The following LIN7A variants were observed in gnomAD, a reference collection of about 807,000 sequenced individuals.
LIN7A encodes the protein lin-7 cell polarity scaffold A.
Under a neutral mutation model 29.8 loss-of-function variants are expected in LIN7A, and 25 were observed. The ratio of observed to expected loss-of-function variants is 0.84; its 90% confidence interval spans 0.61 to 1.17. The LOEUF is 1.17. Among genes scored for constraint, LIN7A ranks in the 50% most tolerant of loss-of-function variants. LIN7A has a pLI of 0.00. For missense variants in LIN7A, 239 were observed against 287.0 expected (o/e 0.83, Z 1.21); for synonymous variants, 118 against 107.5 (o/e 1.10, Z -0.60).
chr12:80,799,567 G>GA (rs575944285), intron 5 of LIN7A, among the ~76,000 whole-genome samples: 172 of 151,180 alleles, frequency 1.1e-3, no homozygotes, highest in African/African-American at 3.9e-3. Flanking sequence ...ATGAGTCAAA[G>GA]AAAAAAAATC....
intron 2 of LIN7A, among the ~76,000 whole-genome samples, chr12:80,863,019 G>A (rs1873952475): frequency 2.6e-5 from 4 of 152,148 alleles, no homozygotes; most frequent in Admixed American, 2.6e-4. Context: ...TCAAGTTATG[G>A]TAAATGCACC....
At position 80,867,909 on chromosome 12, in the gene LIN7A, C is replaced by A. The variant is rs369525951; in HGVS notation, c.202-19587G>T. On this transcript the variant is annotated intron_variant, in intron 2 of 5. Transcript: ENST00000552864. ...AGAAATGTAATGTATTAAAAAACTGCTACATTTATTATATCCTGTCAATTT... is the reference window on the plus strand; with the variant it reads ...AGAAATGTAATGTATTAAAAAACTGATACATTTATTATATCCTGTCAATTT... 2.9e-4 allele frequency among the ~76,000 whole-genome samples: 44 copies of A among 152,256 alleles called. 1 individual carries two copies. In the South Asian group the frequency reaches 8.9e-3, roughly 31 times the overall value.
chr12:80,937,546 C>T, intron 1 of LIN7A, 95 bp downstream of exon 1: 1 of 893,356 alleles, frequency 1.1e-6, no homozygotes, highest in Non-Finnish European at 1.6e-6. Flanking sequence ...CTCCTCCTGC[C>T]TGAGCGCGTC....
chr12:80,888,931 A>G (rs1253893079), intron 2 of LIN7A, among the ~76,000 whole-genome samples: 1 of 152,114 alleles, frequency 6.6e-6, no homozygotes, highest in Non-Finnish European at 1.5e-5. Context: ...GCCCCCATTA[A>G]TGATAACTAT....
chr12:80,853,707 C>CT (rs1302648530), intron 2 of LIN7A, among the ~76,000 whole-genome samples: 3 of 149,586 alleles, frequency 2.0e-5, no homozygotes, highest in Non-Finnish European at 1.5e-5. Flanking sequence ...ATTTTTTTTT[C>CT]TTTTTTTGAG....
chr12:80,811,464 C>T lies in LIN7A; in HGVS notation c.*1G>A, dbSNP rs1224205108. On this transcript the variant is annotated splice_donor_variant, in intron 5 of 5. Coordinates refer to ENST00000552864, the MANE Select transcript of LIN7A (RefSeq NM_004664.4). LOFTEE classifies it low-confidence loss of function (3UTR_SPLICE). ...CTTGTATAGAATAAGTCACTTCTCA[C>T]CTATGACATGTGGTTTTGTTGTGTT... The T allele has an allele frequency of 8.3e-7, 1 of 1,208,280 alleles. No individual in the cohort carries two copies. Among genetic ancestry groups the T allele is most frequent in the Admixed American group, 2.1e-5 (1 of 48,242 alleles). The allele number at this position is 1,208,280 out of a possible 1,614,324, so 74.8% of individuals were successfully genotyped here. A position where few individuals can be genotyped will look rare whatever the true frequency, so the allele number is the denominator to read the frequency against.
At chr12:80,895,509 T>G (rs774290745) in intron 1 of LIN7A, among the ~76,000 whole-genome samples, 2 of 152,238 alleles carry the variant, frequency 1.3e-5, no homozygotes, top group Admixed American at 1.3e-4. Context: ...CAAAATGTGT[T>G]GAGCACTCAA....
At chr12:80,801,965 C>T (rs1312305863) in intron 5 of LIN7A, among the ~76,000 whole-genome samples, 2 of 150,052 alleles carry the variant, frequency 1.3e-5, no homozygotes, top group African/African-American at 2.5e-5. Context: ...GGTGCGATCT[C>T]GGCTCACTGC....
chr12:80,796,409 AC>A lies in LIN7A; in HGVS notation c.*1317del, dbSNP rs896049952. 3.3e-5 allele frequency: 5 copies of A among 152,148 alleles called. No homozygotes were observed. The highest frequency in any genetic ancestry group is 1.2e-4 in the African/African-American group (5 of 41,446). The allele number at this position is 152,148 out of a possible 1,614,324, so 9.4% of individuals were successfully genotyped here. On this transcript the variant is annotated 3_prime_UTR_variant, in exon 6 of 6. Coordinates refer to ENST00000552864, the MANE Select transcript of LIN7A (RefSeq NM_004664.4). Reference sequence around the variant, plus strand: ...ACTTAGGTGCCTAGATTTACCATAAACCAAAAATTATGACCTGTAAATGTAG... The same window carrying A: ...ACTTAGGTGCCTAGATTTACCATAAACAAAAATTATGACCTGTAAATGTAG...
intron 1 of LIN7A, among the ~76,000 whole-genome samples, chr12:80,930,938 A>G (rs1319860360): frequency 6.6e-6 from 1 of 152,212 alleles, no homozygotes; most frequent in Non-Finnish European, 1.5e-5. Flanking sequence ...CGTGCCAACT[A>G]TGTGCCACAC....
intron 2 of LIN7A, among the ~76,000 whole-genome samples, chr12:80,864,158 G>A (rs1874020153): frequency 6.6e-6 from 1 of 152,100 alleles, no homozygotes; most frequent in Non-Finnish European, 1.5e-5. Context: ...TGCAGCAACT[G>A]TTATTATTTC....
At chr12:80,883,295 C>G (rs1257087794) in intron 2 of LIN7A, among the ~76,000 whole-genome samples, 1 of 152,150 alleles carries the variant, frequency 6.6e-6, no homozygotes, top group Non-Finnish European at 1.5e-5. Context: ...CATTGACTCT[C>G]TCATAAAGCT....
chr12:80,820,175 G>A (rs1394481527), intron 4 of LIN7A, among the ~76,000 whole-genome samples: 2 of 152,306 alleles, frequency 1.3e-5, no homozygotes, highest in East Asian at 1.9e-4. Context: ...AAGAAGGAAC[G>A]TGCAGGAGAT....
At chr12:80,881,774 T>C (rs1875054520) in intron 2 of LIN7A, among the ~76,000 whole-genome samples, 1 of 152,160 alleles carries the variant, frequency 6.6e-6, no homozygotes, top group African/African-American at 2.4e-5. Context: ...GCTGTTGTTA[T>C]ATAGGAAGTT....
intron 1 of LIN7A, among the ~76,000 whole-genome samples, chr12:80,893,006 C>T (rs1044759635): frequency 6.6e-6 from 1 of 152,112 alleles, no homozygotes; most frequent in Admixed American, 6.5e-5. Context: ...GATGTTGATT[C>T]AGAAGGTGTG....
At position 80,813,697 on chromosome 12, in the gene LIN7A, T is replaced by C. The variant is rs546987523; in HGVS notation, c.484-2014A>G. Among the ~76,000 whole-genome samples, 9 of 152,178 alleles carry C rather than the reference T, an allele frequency of 5.9e-5. 2 individuals are homozygous for C. The South Asian group carries it at 1.9e-3, about 32-fold the overall frequency. On this transcript the variant is annotated intron_variant, in intron 4 of 5. Transcript: ENST00000552864. ...CCAATCTTCTGAAGATTCTCCAGGT[T>C]AGGATGATGGAGAAGCAAAAAGAAG...
chr12:80,847,982 A>G, intron 3 of LIN7A: 1 of 536,114 alleles, frequency 1.9e-6, no homozygotes, highest in Non-Finnish European at 3.4e-6. Context: ...TATTTCACAC[A>G]ATGAACCAGT....
intron 1 of LIN7A, among the ~76,000 whole-genome samples, chr12:80,890,937 T>C (rs887103158): frequency 6.6e-6 from 1 of 152,082 alleles, no homozygotes; most frequent in African/African-American, 2.4e-5. Flanking sequence ...TAGATGCCCA[T>C]GGATGCATGG....
intron 4 of LIN7A, among the ~76,000 whole-genome samples, chr12:80,820,657 A>ACC (rs1041773592): frequency 6.6e-6 from 1 of 151,768 alleles, no homozygotes; most frequent in Non-Finnish European, 1.5e-5. Flanking sequence ...ACACACACAC[A>ACC]CCCATCTTCA....
Sources: gnomAD v4.1 joint callset for allele counts (sites outside exome capture counted in the v4.1 genomes callset) on GRCh38, gnomAD v4.1.1 for gene constraint, MANE v1.5 for transcripts, NCBI Gene and HGNC (gene_info 2026-07-23, HGNC 2026-07-21) for gene names.